Variants in SATL1 observed in about 807,000 individuals in gnomAD.
SATL1 encodes the protein spermidine/spermine N(1)-acetyltransferase-like protein 1.
A neutral mutation model predicts 51.8 loss-of-function variants in SATL1; 47 were observed. The ratio of observed to expected loss-of-function variants is 0.91; its 90% CI spans 0.72 to 1.16. The LOEUF is 1.16. Ranked by LOEUF, SATL1 falls within the 50% of genes most tolerant of loss-of-function variation. The pLI is 0.00. For synonymous variants in SATL1, 176 were observed against 182.4 expected (o/e 0.97, Z 0.28); for missense variants, 520 against 526.4 (o/e 0.99, Z 0.12).
chrX:85,138,945 C>T (rs1483655127), intron 2 of SATL1, among the ~76,000 whole-genome samples: 1 of 111,650 alleles, frequency 9.0e-6, no homozygotes, highest in African/African-American at 3.3e-5. Flanking sequence ...AGATGGGAGC[C>T]AATGTACAAG....
rs775131721 is a variant in SATL1 at position 85,231,050 on chromosome X, C to A, written c.-434-6724G>T. On this transcript the variant is annotated intron_variant, in intron 1 of 7. Transcript: ENST00000644105. ...ACCATATGATGCAGCAACCCCACTT[C>A]TGGGTATATATCCAAAAGAATTGAA... Among the ~76,000 whole-genome samples, 96 of 111,831 alleles carry A rather than the reference C, an allele frequency of 8.6e-4. 1 individual carries two copies. Among genetic ancestry groups the A allele is most frequent in the African/African-American group, 3.0e-3 (93 of 30,852 alleles).
At chrX:85,114,988 A>T (rs1168410928) in intron 2 of SATL1, among the ~76,000 whole-genome samples, 1 of 111,822 alleles carries the variant, frequency 8.9e-6, no homozygotes, top group Non-Finnish European at 1.9e-5. Flanking sequence ...AGGGGGCTGG[A>T]CTTCCTTCCC....
At chrX:85,140,452 G>T (rs1056405922) in intron 2 of SATL1, among the ~76,000 whole-genome samples, 4 of 111,918 alleles carry the variant, frequency 3.6e-5, no homozygotes, top group African/African-American at 1.3e-4. Context: ...AGGCCACACA[G>T]TTAGCAAGTG....
At chrX:85,237,991 A>C (rs1928515054) in intron 1 of SATL1, among the ~76,000 whole-genome samples, 2 of 111,533 alleles carry the variant, frequency 1.8e-5, no homozygotes, top group Admixed American at 1.9e-4. Context: ...GAGAAATGCA[A>C]ATCAAAACTA....
In SATL1 at chrX:85,108,457, G is replaced by A. The variant is rs765356807; in HGVS notation, c.512C>T (p.Pro171Leu). 2.5e-6 allele frequency: 3 copies of A among 1,210,435 alleles called. No homozygotes were observed. Among genetic ancestry groups the A allele is most frequent in the Non-Finnish European group, 3.4e-6 (3 of 895,391 alleles). ...LGTSQIGMSQ[P>L]GTWQTGLSQP... ...GCTCAGTCCTGTTTGCCATGTGCCT[G>A]GTTGGCTCATGCCTATTTGGCTTGT... is the stretch of plus-strand genomic sequence containing the variant. Residue 171 changes from proline to leucine, a missense_variant, in exon 3 of 8, where the codon CCA becomes CTA. Pro to Leu is a moderately conservative substitution (Grantham distance 98). Coordinates refer to ENST00000644105, the MANE Select transcript of SATL1 (RefSeq NM_001367857.2).
At chrX:85,222,521 T>C (rs893650043) in intron 2 of SATL1, among the ~76,000 whole-genome samples, 1 of 111,121 alleles carries the variant, frequency 9.0e-6, no homozygotes, top group African/African-American at 3.3e-5. Flanking sequence ...ATATTTGAAA[T>C]ATATATATTT....
intron 2 of SATL1, among the ~76,000 whole-genome samples, chrX:85,173,175 T>G (rs1361171651): frequency 2.7e-5 from 3 of 111,089 alleles, no homozygotes; most frequent in Non-Finnish European, 5.7e-5. Flanking sequence ...GCCTCTTCTG[T>G]GAAAACTCAA....
At chrX:85,170,636 C>A (rs1302366203) in intron 2 of SATL1, among the ~76,000 whole-genome samples, 1 of 111,437 alleles carries the variant, frequency 9.0e-6, no homozygotes, top group African/African-American at 3.2e-5. Flanking sequence ...TTGAGAAAAT[C>A]AGGAATTTCC....
intron 2 of SATL1, among the ~76,000 whole-genome samples, chrX:85,123,368 A>G (rs1193274049): frequency 4.5e-5 from 5 of 110,703 alleles, no homozygotes; most frequent in African/African-American, 1.6e-4. Context: ...CTGGTGTGAG[A>G]TGGTATCTCA....
At chrX:85,226,057 A>G (rs1239048691) in intron 1 of SATL1, among the ~76,000 whole-genome samples, 1 of 110,845 alleles carries the variant, frequency 9.0e-6, no homozygotes, top group African/African-American at 3.3e-5. Flanking sequence ...TCAGTCAACT[A>G]AAGAAGTCCA....
At chrX:85,138,185 C>A (rs756289286) in intron 2 of SATL1, among the ~76,000 whole-genome samples, 16 of 112,426 alleles carry the variant, frequency 1.4e-4, no homozygotes, top group Non-Finnish European at 3.0e-4. Context: ...GACTATTTTC[C>A]CTGCCTTTTG....
At chrX:85,186,035 A>AT (rs770318255) in intron 2 of SATL1, among the ~76,000 whole-genome samples, 11 of 109,923 alleles carry the variant, frequency 1.0e-4, no homozygotes, top group Non-Finnish European at 1.9e-4. Flanking sequence ...TTAGCAGGTG[A>AT]TAAATTCTGC....
At chrX:85,152,996 A>G (rs1373635329) in intron 2 of SATL1, among the ~76,000 whole-genome samples, 1 of 110,187 alleles carries the variant, frequency 9.1e-6, no homozygotes, top group Non-Finnish European at 1.9e-5. Context: ...TAAAATAAAA[A>G]TTAAAAAAAA....
At chrX:85,144,068 A>G (rs1291364157) in intron 2 of SATL1, among the ~76,000 whole-genome samples, 1 of 111,691 alleles carries the variant, frequency 9.0e-6, no homozygotes, top group African/African-American at 3.3e-5. Flanking sequence ...AATATTGGCT[A>G]TTGAAAACAG....
chrX:85,186,622 T>C (rs1927319094), intron 2 of SATL1, among the ~76,000 whole-genome samples: 1 of 111,493 alleles, frequency 9.0e-6, no homozygotes, highest in Non-Finnish European at 1.9e-5. Context: ...ATACTAAATT[T>C]CAATAGGAAG....
chrX:85,125,519 A>AGT (rs72067285), intron 2 of SATL1, among the ~76,000 whole-genome samples: 4,462 of 98,531 alleles, frequency 0.045, 106 homozygotes, highest in Non-Finnish European at 0.059. Context: ...CACATAGGAA[A>AGT]GTGTGTGTGT....
At chrX:85,206,572 T>A (rs1303812579) in intron 2 of SATL1, among the ~76,000 whole-genome samples, 1 of 111,514 alleles carries the variant, frequency 9.0e-6, no homozygotes, top group East Asian at 2.8e-4. Context: ...ACAAAAGCAC[T>A]TTCAGCAAAG....
intron 2 of SATL1, among the ~76,000 whole-genome samples, chrX:85,192,477 T>G: frequency 9.0e-6 from 1 of 111,077 alleles, no homozygotes; most frequent in East Asian, 2.8e-4. Flanking sequence ...ATTTTCACAC[T>G]TTCCACATTT....
chrX:85,145,780 T>A (rs1038776116), intron 2 of SATL1, among the ~76,000 whole-genome samples: 4 of 111,796 alleles, frequency 3.6e-5, no homozygotes, highest in Admixed American at 1.9e-4. Context: ...TAGTCCCCCT[T>A]ATTTGCAGTT....
Sources: gnomAD v4.1 joint callset for allele counts (sites outside exome capture counted in the v4.1 genomes callset) on GRCh38, gnomAD v4.1.1 for gene constraint, MANE v1.5 for transcripts, NCBI Gene and HGNC (gene_info 2026-07-23, HGNC 2026-07-21) for gene names.